The following RPTOR variants were observed in gnomAD, a reference collection of about 807,000 sequenced individuals.
RPTOR encodes the protein regulatory-associated protein of mTOR.
In RPTOR, 21 loss-of-function variants were observed where a neutral mutation model predicts 169.9. That is an observed-to-expected ratio of 0.12 (90% confidence interval 0.09 to 0.18). RPTOR has a LOEUF of 0.18. RPTOR is among the 10% of genes least tolerant of loss of function. The probability of loss-of-function intolerance (pLI) is 1.00; values close to 1 mark genes in which losing one functional copy is unlikely to be tolerated. For synonymous variants in RPTOR, 732 were observed against 753.2 expected, an observed-to-expected ratio of 0.97 and a Z score of 0.46; for missense variants, 1,133 against 1,855.9, an observed-to-expected ratio of 0.61 and a Z score of 7.16.
chr17:80,953,806 G>A (rs1331414721), intron 28 of RPTOR, among the ~76,000 whole-genome samples: 1 of 152,224 alleles, frequency 6.6e-6, no homozygotes, highest in African/African-American at 2.4e-5. Context: ...GGCAGAAACG[G>A]GGAAGTATGT....
chr17:80,952,759 G>A (rs546097591), intron 28 of RPTOR, among the ~76,000 whole-genome samples: 10 of 152,036 alleles, frequency 6.6e-5, no homozygotes, highest in African/African-American at 1.4e-4. Context: ...CAGGAGGATC[G>A]TGCCTGGGAC....
chr17:80,699,528 G>A (rs1270118876), intron 3 of RPTOR, among the ~76,000 whole-genome samples: 2 of 127,568 alleles, frequency 1.6e-5, no homozygotes, highest in Admixed American at 7.6e-5. Flanking sequence ...CAGTGATGGG[G>A]AGCTAGAGGT....
chr17:80,846,591 C>T lies in RPTOR; in HGVS notation c.1314+17C>T, dbSNP rs770905826. On this transcript the variant is annotated intron_variant, in intron 11 of 33. Transcript: ENST00000306801. Reference sequence around the variant, plus strand: ...GTCCTGCAGGTGAGTTTCTTCAGACCGGGCCAGACAGCCGAGGTTCCTCAG... The same window carrying T: ...GTCCTGCAGGTGAGTTTCTTCAGACTGGGCCAGACAGCCGAGGTTCCTCAG... 4 of 1,610,384 alleles carry T rather than the reference C, an allele frequency of 2.5e-6. No homozygotes were observed. The highest frequency in any genetic ancestry group is 1.7e-5 in the Admixed American group (1 of 60,006).
At chr17:80,599,930 C>T (rs890844271) in intron 1 of RPTOR, among the ~76,000 whole-genome samples, 1 of 152,138 alleles carries the variant, frequency 6.6e-6, no homozygotes, top group East Asian at 1.9e-4. Flanking sequence ...CCTGGCTTCT[C>T]CTTGGTGTAA....
intron 13 of RPTOR, among the ~76,000 whole-genome samples, chr17:80,868,672 A>C (rs1195293681): frequency 6.6e-6 from 1 of 152,248 alleles, no homozygotes; most frequent in Non-Finnish European, 1.5e-5. Context: ...AGGCTTGTAC[A>C]TGAATGTTCC....
intron 3 of RPTOR, among the ~76,000 whole-genome samples, chr17:80,672,278 C>T (rs187865455): frequency 1.2e-4 from 19 of 152,054 alleles, no homozygotes; most frequent in Admixed American, 1.0e-3. Context: ...ATTAAGATTC[C>T]CTAGAAGTAG....
At chr17:80,723,128 T>A (rs971062116) in intron 4 of RPTOR, among the ~76,000 whole-genome samples, 2 of 151,392 alleles carry the variant, frequency 1.3e-5, no homozygotes, top group Admixed American at 1.3e-4. Flanking sequence ...GTGGTGTGTG[T>A]GATTCTTATT....
Position 80,959,939 on chromosome 17 carries a change from T to G in RPTOR, c.3478-139T>G. ...CCCAGGCCTTTGATGCTTCCCTGGA[T>G]AGAGAGAAAGGCCCCTGCAGCCAGG... On this transcript the variant is annotated intron_variant, in intron 29 of 33. Transcript: ENST00000306801. The surrounding 1 kb of genome is among the most constrained non-coding windows in gnomAD (Gnocchi z 6.7). 4.0e-6 allele frequency: 4 copies of G among 995,738 alleles called. No homozygotes were observed. The highest frequency in any genetic ancestry group is 6.0e-6 in the Non-Finnish European group (4 of 671,492). 61.7% of individuals were successfully genotyped at this position (995,738 alleles called of 1,614,324 possible).
chr17:80,850,539 A>G (rs1346247494), intron 11 of RPTOR, among the ~76,000 whole-genome samples: 1 of 152,188 alleles, frequency 6.6e-6, no homozygotes, highest in East Asian at 1.9e-4. Context: ...CCTCCAGAGT[A>G]GCTGGGATAT....
At chr17:80,851,822 A>T (rs7220765) in intron 11 of RPTOR, among the ~76,000 whole-genome samples, 3,189 of 152,350 alleles carry the variant, frequency 0.021, 103 homozygotes, top group African/African-American at 0.074. Flanking sequence ...GGCCTTGATT[A>T]GACCTCTTCG....
intron 1 of RPTOR, among the ~76,000 whole-genome samples, chr17:80,579,023 C>G (rs1481705149): frequency 6.6e-6 from 1 of 152,050 alleles, no homozygotes; most frequent in Non-Finnish European, 1.5e-5. Context: ...TTGCTTTGTC[C>G]CCTTGCAACT....
chr17:80,630,450 C>T (rs564604033), intron 2 of RPTOR, among the ~76,000 whole-genome samples: 7 of 152,306 alleles, frequency 4.6e-5, no homozygotes, highest in Admixed American at 3.3e-4. Context: ...AGATGTGTGC[C>T]TGCATGTGTG....
chr17:80,945,629 T>C (rs1236852601), intron 25 of RPTOR, 38 bp from the exon 26 acceptor site: 2 of 1,260,906 alleles, frequency 1.6e-6, no homozygotes, highest in Non-Finnish European at 2.3e-6. Flanking sequence ...GAAAAGATGC[T>C]GGCTCCTGGA....
intron 1 of RPTOR, among the ~76,000 whole-genome samples, chr17:80,566,031 G>A (rs2084584781): frequency 6.6e-6 from 1 of 152,356 alleles, no homozygotes; most frequent in Non-Finnish European, 1.5e-5. Context: ...AAGAATTGAA[G>A]AGGCAACATA....
At chr17:80,849,134 C>G (rs2067765249) in intron 11 of RPTOR, among the ~76,000 whole-genome samples, 1 of 152,230 alleles carries the variant, frequency 6.6e-6, no homozygotes, top group Admixed American at 6.5e-5. Context: ...GTTAACTCGG[C>G]TCACTTCCCC....
rs1598431153 is a variant in RPTOR, at chr17:80,965,656, C to T, written c.*1326C>T. On this transcript the variant is annotated 3_prime_UTR_variant, in exon 34 of 34. Coordinates refer to ENST00000306801, the MANE Select transcript of RPTOR (RefSeq NM_020761.3). ...GCTGGTGTGGCGAGGCCCGGCTCTC[C>T]TGCGGTGTGGCTGGTGGCCTGCCGT... is the stretch of plus-strand genomic sequence containing the variant. 5 of 233,212 alleles carry T rather than the reference C, an allele frequency of 2.1e-5. No individual in the cohort carries two copies. The highest frequency in any genetic ancestry group is 1.1e-4 in the Admixed American group (2 of 17,786). 14.4% of individuals were successfully genotyped at this position (233,212 alleles called of 1,614,324 possible).
intron 13 of RPTOR, among the ~76,000 whole-genome samples, chr17:80,877,712 C>A (rs749083388): frequency 6.6e-6 from 1 of 152,140 alleles, no homozygotes; most frequent in East Asian, 1.9e-4. Context: ...ACGTGGACGG[C>A]GGTCGATGCA....
intron 12 of RPTOR, among the ~76,000 whole-genome samples, chr17:80,857,293 A>G (rs2067863285): frequency 6.6e-6 from 1 of 152,160 alleles, no homozygotes; most frequent in Non-Finnish European, 1.5e-5. Flanking sequence ...CTTTCTCCCA[A>G]GGTGTATCTG....
In RPTOR at chr17:80,936,163, A is replaced by C. The variant is rs922643676; in HGVS notation, c.2920-4333A>C. On this transcript the variant is annotated intron_variant, in intron 24 of 33. Coordinates refer to ENST00000306801, the MANE Select transcript of RPTOR (RefSeq NM_020761.3). This position sits in a 1 kb window ranked among gnomAD's most constrained non-coding sequence, Gnocchi z 4.1. ...GTACGGACCCCTGCAGTGAGATCCC[A>C]CTACACACCTGTTAGAATGTCTCGA... is the stretch of plus-strand genomic sequence containing the variant. 6.6e-6 allele frequency among the ~76,000 whole-genome samples: 1 copy of C among 152,260 alleles called. No homozygotes were observed. Among genetic ancestry groups the C allele is most frequent in the African/African-American group, 2.4e-5 (1 of 41,466 alleles).
Sources: gnomAD v4.1 joint callset for allele counts (sites outside exome capture counted in the v4.1 genomes callset) on GRCh38, gnomAD v4.1.1 for gene constraint, Gnocchi (gnomAD v3.1) non-coding constraint, MANE v1.5 for transcripts, NCBI Gene and HGNC (gene_info 2026-07-23, HGNC 2026-07-21) for gene names.